TMPRSS15: variants seen among roughly 807,000 people sequenced by gnomAD.
TMPRSS15 encodes the protein transmembrane serine protease 15, also known as enteropeptidase.
A neutral mutation model predicts 125.3 loss-of-function variants in TMPRSS15; 128 were observed. The ratio of observed to expected loss-of-function variants is 1.02; its 90% CI spans 0.89 to 1.18. The LOEUF is 1.18. TMPRSS15 is among the 50% of genes most tolerant of loss of function. The pLI is 0.00. For synonymous variants in TMPRSS15, 446 were observed against 423.2 expected (o/e 1.05, Z -0.66); for missense variants, 1,283 against 1,212.7 (o/e 1.06, Z -0.86).
At chr21:18,460,443 C>G (rs1307383749) in intron 1 of TMPRSS15, 1 of 151,962 alleles carries the variant, frequency 6.6e-6, no homozygotes, top group African/African-American at 2.4e-5. Flanking sequence ...ATGATAGTAC[C>G]CTTAATATTT....
At position 18,440,135 on chromosome 21, in the gene TMPRSS15, G is replaced by A. The variant is rs189721424; in HGVS notation, c.11-41806C>T. On this transcript the variant is annotated intron_variant, in intron 1 of 7. Coordinates refer to the TMPRSS15 transcript ENST00000422787. ...CACGCCTGTAATCCCAGCACTTTGG[G>A]AGGCCGAGACGGGCGGATCACGAGG... Among the ~76,000 whole-genome samples, 3 of 152,142 alleles carry A rather than the reference G, an allele frequency of 2.0e-5. No individual in the cohort carries two copies. The East Asian group carries it at 5.8e-4, about 30-fold the overall frequency.
chr21:18,355,154 G>A (rs771911859), intron 8 of TMPRSS15, among the ~76,000 whole-genome samples: 1 of 151,840 alleles, frequency 6.6e-6, no homozygotes, highest in Non-Finnish European at 1.5e-5. Flanking sequence ...TTCTCATACT[G>A]AAAACCTTTG....
At chr21:18,374,109 T>C (rs1201697313) in intron 5 of TMPRSS15, among the ~76,000 whole-genome samples, 1 of 152,184 alleles carries the variant, frequency 6.6e-6, no homozygotes, top group Non-Finnish European at 1.5e-5. Flanking sequence ...ATATTTCAAT[T>C]AGTTTTTGAT....
At chr21:18,465,749 A>C (rs1256642970) in intron 1 of TMPRSS15, among the ~76,000 whole-genome samples, 2 of 152,210 alleles carry the variant, frequency 1.3e-5, no homozygotes, top group East Asian at 3.9e-4. Flanking sequence ...CCACTGCTTA[A>C]GGAAATAAGA....
At position 18,278,924 on chromosome 21, in the gene TMPRSS15, GTTTTT is replaced by G. The variant is rs59972471; in HGVS notation, c.2764+35_2764+39del. 336 of 439,436 alleles carry G rather than the reference GTTTTT, an allele frequency of 7.6e-4. 1 individual carries two copies. The highest frequency in any genetic ancestry group is 9.8e-4 in the African/African-American group (30 of 30,622). 27.2% of individuals were successfully genotyped at this position (439,436 alleles called of 1,614,324 possible). On this transcript the variant is annotated intron_variant, in intron 23 of 24. Coordinates refer to ENST00000284885, the MANE Select transcript of TMPRSS15 (RefSeq NM_002772.3). ...TGACAGTCTGTTTTTCACCAGTAAG[GTTTTT>G]TTTTTTTTTTTTTTTTTTGAGTCTG...
At chr21:18,410,539 T>G (rs1345079993) in intron 1 of TMPRSS15, among the ~76,000 whole-genome samples, 1 of 152,016 alleles carries the variant, frequency 6.6e-6, no homozygotes, top group East Asian at 1.9e-4. Context: ...AAATTAGAAC[T>G]TTTTTGAGTT....
chr21:18,468,720 A>G (rs918628084), intron 1 of TMPRSS15, among the ~76,000 whole-genome samples: 1 of 152,108 alleles, frequency 6.6e-6, no homozygotes, highest in South Asian at 2.1e-4. Context: ...CCCACACCCA[A>G]TGTTTCATTT....
At chr21:18,409,830 ACCCCTCCCTCCTTTCC>A (rs916373611) in intron 1 of TMPRSS15, among the ~76,000 whole-genome samples, 1 of 21,538 alleles carries the variant, frequency 4.6e-5, no homozygotes, top group African/African-American at 2.0e-4. Context: ...TCCCCCCTTC[ACCCCTCCCTCCTTTCC>A]CCCTTCCTTC....
chr21:18,309,999 A>G (rs2075081700), intron 18 of TMPRSS15, among the ~76,000 whole-genome samples: 1 of 152,158 alleles, frequency 6.6e-6, no homozygotes. Context: ...TGAGAATATA[A>G]CAGGAACTGG....
At chr21:18,450,972 T>A (rs1436688724) in intron 1 of TMPRSS15, among the ~76,000 whole-genome samples, 1 of 151,846 alleles carries the variant, frequency 6.6e-6, no homozygotes, top group African/African-American at 2.4e-5. Context: ...AAAAATTCGC[T>A]GATTATTCTT....
At chr21:18,346,434 G>C (rs775835864) in intron 10 of TMPRSS15, among the ~76,000 whole-genome samples, 1 of 152,084 alleles carries the variant, frequency 6.6e-6, no homozygotes, top group East Asian at 1.9e-4. Flanking sequence ...TTGCCTTGTG[G>C]GACTATTTAC....
intron 22 of TMPRSS15, among the ~76,000 whole-genome samples, chr21:18,280,035 G>A (rs78996722): frequency 3.3e-5 from 5 of 152,048 alleles, no homozygotes; most frequent in African/African-American, 7.2e-5. Flanking sequence ...ACAACTAACC[G>A]TAGCAATAGT....
chr21:18,356,926 A>G (rs894596190), intron 8 of TMPRSS15, among the ~76,000 whole-genome samples: 3 of 151,834 alleles, frequency 2.0e-5, no homozygotes, highest in Non-Finnish European at 4.4e-5. Context: ...GTTAAGCTAC[A>G]GTATTAGAAA....
chr21:18,353,862 A>G lies in TMPRSS15; in HGVS notation c.882T>C (p.Ala294=), dbSNP rs780855909. 1 of 1,610,494 alleles carries G rather than the reference A, an allele frequency of 6.2e-7. No homozygotes were observed. The highest frequency in any genetic ancestry group is 8.5e-7 in the Non-Finnish European group (1 of 1,177,424). ...TGCCAGGATTAGTTTCCCAAATAGA[A>G]GCTACAAAATAAAATAAACAACTGT... ...EGVGSSKILR[A]SIWETNPGTI... is the part of the protein sequence containing the mutation. The change falls in exon 9 of 25, where the codon GCT becomes GCC. Residue 294 remains alanine, a splice_region_variant and synonymous_variant. Coordinates refer to ENST00000284885, the MANE Select transcript of TMPRSS15 (RefSeq NM_002772.3).
intron 1 of TMPRSS15, among the ~76,000 whole-genome samples, chr21:18,402,658 A>AT (rs2123144403): frequency 6.6e-6 from 1 of 152,228 alleles, no homozygotes; most frequent in South Asian, 2.1e-4. Context: ...TATGCTTTCA[A>AT]TTTTTTAAAT....
chr21:18,347,557 G>A (rs1405366987), intron 10 of TMPRSS15, among the ~76,000 whole-genome samples: 1 of 152,098 alleles, frequency 6.6e-6, no homozygotes, highest in Non-Finnish European at 1.5e-5. Flanking sequence ...ATGTTTATAT[G>A]TGACTTTTTA....
intron 1 of TMPRSS15, among the ~76,000 whole-genome samples, chr21:18,451,071 T>C (rs941016484): frequency 1.5e-4 from 22 of 150,970 alleles, no homozygotes; most frequent in Admixed American, 8.6e-4. Flanking sequence ...AAGATTCTCT[T>C]TTTTTTTTAA....
chr21:18,313,849 A>G (rs1266070524), intron 17 of TMPRSS15, among the ~76,000 whole-genome samples: 1 of 151,702 alleles, frequency 6.6e-6, no homozygotes, highest in East Asian at 1.9e-4. Context: ...TTCTGAAAGA[A>G]GGAAACTCAA....
chr21:18,422,207 AACTCCT>A (rs1413524949), intron 1 of TMPRSS15, among the ~76,000 whole-genome samples: 4 of 152,010 alleles, frequency 2.6e-5, no homozygotes, highest in African/African-American at 9.7e-5. Flanking sequence ...ATTGGTCTTG[AACTCCT>A]GACCTCAGGC....
Sources: gnomAD v4.1 joint callset for allele counts (sites outside exome capture counted in the v4.1 genomes callset) on GRCh38, gnomAD v4.1.1 for gene constraint, MANE v1.5 for transcripts, NCBI Gene and HGNC (gene_info 2026-07-23, HGNC 2026-07-21) for gene names.